Variants in ZC3HAV1L observed in about 807,000 individuals in gnomAD.
The protein encoded by ZC3HAV1L is zinc finger CCCH-type antiviral protein 1-like.
Under a neutral mutation model 28.2 loss-of-function variants are expected in ZC3HAV1L, and 23 were observed. That is an observed-to-expected ratio of 0.82 (90% CI 0.59 to 1.16). ZC3HAV1L has a LOEUF of 1.16. Among genes scored for constraint, ZC3HAV1L ranks in the 50% most tolerant of loss-of-function variants. The pLI is 0.00. For synonymous variants in ZC3HAV1L, 180 were observed against 163.4 expected (o/e 1.10, Z -0.78); for missense variants, 376 against 387.7 (o/e 0.97, Z 0.25).
chr7:139,028,216 T>A (rs1815411508), intron 3 of ZC3HAV1L, among the ~76,000 whole-genome samples: 1 of 151,724 alleles, frequency 6.6e-6, no homozygotes, highest in African/African-American at 2.4e-5. Context: ...CGACTAAGAA[T>A]ACAAAAATTA....
At chr7:139,034,871 G>C in intron 1 of ZC3HAV1L, 193 bp from the exon 2 acceptor site, 1 of 985,416 alleles carries the variant, frequency 1.0e-6, no homozygotes, top group East Asian at 1.1e-4. Flanking sequence ...CTCTCCCAGG[G>C]TCATTTGAAT....
chr7:139,035,667 G>A lies in ZC3HAV1L; in HGVS notation c.351C>T (p.Pro117=). Residue 117 remains proline, a synonymous_variant, in exon 1 of 5, where the codon CCC becomes CCT. Coordinates refer to ENST00000275766, the MANE Select transcript of ZC3HAV1L (RefSeq NM_080660.4). The part of the protein sequence containing the change: ...FCRRHMLGKC[P]NRDCWSTCTL... ...CGCCTTCTCACCAGCAGTCCCGGTT[G>A]GGGCACTTGCCCAGCATGTGCCGGC... 1 of 1,459,402 alleles carries A rather than the reference G, an allele frequency of 6.9e-7. No homozygotes were observed. The highest frequency in any genetic ancestry group is 9.0e-7 in the Non-Finnish European group (1 of 1,114,740). 90.4% of individuals were successfully genotyped at this position (1,459,402 alleles called of 1,614,324 possible).
In ZC3HAV1L at chr7:139,026,278, TG is replaced by T. The variant is rs1234722320; in HGVS notation, c.*265del. ...ATATTAAGTGAAAAAAAAAAATGAG[TG>T]CAAAGTACTCTAGGATTGCCACAAT... On this transcript the variant is annotated 3_prime_UTR_variant, in exon 5 of 5. Transcript: ENST00000275766. 2 of 447,960 alleles carry T rather than the reference TG, an allele frequency of 4.5e-6. No homozygotes were observed. Among genetic ancestry groups the T allele is most frequent in the African/African-American group, 4.2e-5 (2 of 47,398 alleles). 27.7% of individuals were successfully genotyped at this position (447,960 alleles called of 1,614,324 possible). A position where few individuals can be genotyped will look rare whatever the true frequency, so the allele number is the denominator to read the frequency against.
intron 3 of ZC3HAV1L, among the ~76,000 whole-genome samples, chr7:139,027,231 G>A (rs1815382463): frequency 6.6e-6 from 1 of 152,200 alleles, no homozygotes; most frequent in Admixed American, 6.5e-5. Flanking sequence ...TGAAAGCTTA[G>A]CAACTCCGCC....
rs2130639118 is a variant in ZC3HAV1L at position 139,034,601 on chromosome 7, A to C, written c.443T>G (p.Leu148Arg). 3.1e-6 allele frequency: 5 copies of C among 1,614,124 alleles called. No homozygotes were observed. Among genetic ancestry groups the C allele is most frequent in the Admixed American group, 1.7e-5 (1 of 60,016 alleles). Residue 148 changes from leucine (L) to arginine (R), a missense_variant, in exon 2 of 5, where the codon CTC (leucine) becomes CGC (arginine). By Grantham distance (102) the Leu-to-Arg change is moderately radical (BLOSUM62 -2). Coordinates refer to ENST00000275766, the MANE Select transcript of ZC3HAV1L (RefSeq NM_080660.4). ...CAGGATCCGAAGCTGGTTTTCATTGAGACCAAAAAGTCCATGGCTTTTCAG... is the reference window on the plus strand; with the variant it reads ...CAGGATCCGAAGCTGGTTTTCATTGCGACCAAAAAGTCCATGGCTTTTCAG... The part of the protein sequence containing the change: ...QVLKSHGLFG[L>R]NENQLRILLL...
downstream of ZC3HAV1L, among the ~76,000 whole-genome samples, chr7:139,024,614 G>A (rs1212197092): frequency 1.3e-5 from 2 of 152,268 alleles, no homozygotes; most frequent in East Asian, 1.9e-4. Flanking sequence ...GACAATGAAA[G>A]TAAAAAGCTC....
chr7:139,029,085 C>G, intron 2 of ZC3HAV1L, 125 bp from the exon 3 acceptor site: 1 of 1,124,278 alleles, frequency 8.9e-7, no homozygotes, highest in Non-Finnish European at 1.2e-6. Context: ...TCACTGCAAC[C>G]TCCATCTCCC....
At chr7:139,032,176 T>G (rs1029858546) in intron 2 of ZC3HAV1L, among the ~76,000 whole-genome samples, 1 of 152,098 alleles carries the variant, frequency 6.6e-6, no homozygotes, top group East Asian at 1.9e-4. Context: ...TTGGAGATCA[T>G]GGAAAATAGA....
intron 2 of ZC3HAV1L, among the ~76,000 whole-genome samples, chr7:139,030,465 G>A (rs1815491424): frequency 6.6e-6 from 1 of 152,056 alleles, no homozygotes; most frequent in Admixed American, 6.6e-5. Flanking sequence ...TAAAATAGAG[G>A]CGGAGGTTGC....
In ZC3HAV1L at chr7:139,028,885, C is replaced by T; in HGVS notation, c.577G>A (p.Val193Met). ...TCTCCTTTCACAAAGGATTTGCACA[C>T]ATGAAACTTGTTGCATTTATCCTTG... ...NLKDKCNKFH[V>M]CKSFVKGECK... Residue 193 changes from valine to methionine, a missense_variant, in exon 3 of 5, where the codon GTG becomes ATG. Physicochemically the swap from Val to Met is conservative, Grantham distance 21. Transcript: ENST00000275766. The T allele has an allele frequency of 6.2e-7, 1 of 1,614,240 alleles. No homozygotes were observed. The highest frequency in any genetic ancestry group is 8.5e-7 in the Non-Finnish European group (1 of 1,180,050).
Position 139,026,301 on chromosome 7 carries a change from C to A in ZC3HAV1L, c.*243G>T. 1 of 528,662 alleles carries A rather than the reference C, an allele frequency of 1.9e-6. No homozygotes were observed. Among genetic ancestry groups the A allele is most frequent in the Non-Finnish European group, 3.3e-6 (1 of 304,966 alleles). 32.7% of individuals were successfully genotyped at this position (528,662 alleles called of 1,614,324 possible). On this transcript the variant is annotated 3_prime_UTR_variant, in exon 5 of 5. Coordinates refer to ENST00000275766, the MANE Select transcript of ZC3HAV1L (RefSeq NM_080660.4). ...AGTGCAAAGTACTCTAGGATTGCCA[C>A]AATATAAATTGATAGAAAAACAATG...
intron 1 of ZC3HAV1L, 164 bp downstream of exon 1, chr7:139,035,489 C>A (rs947373555): frequency 2.0e-6 from 2 of 985,294 alleles, no homozygotes; most frequent in African/African-American, 3.5e-5. Context: ...CTGCTGGAAG[C>A]GCGGGGGAGG....
chr7:139,031,663 G>C (rs996638119), intron 2 of ZC3HAV1L, among the ~76,000 whole-genome samples: 1 of 152,174 alleles, frequency 6.6e-6, no homozygotes, highest in Admixed American at 6.5e-5. Flanking sequence ...CCAGCACTTT[G>C]GGAGGCCAAG....
chr7:139,022,769 A>G (rs1462188287), downstream of ZC3HAV1L, among the ~76,000 whole-genome samples: 2 of 152,228 alleles, frequency 1.3e-5, no homozygotes, highest in African/African-American at 2.4e-5. Context: ...TTAGGCCTGT[A>G]AGAATGCTAC....
intron 2 of ZC3HAV1L, among the ~76,000 whole-genome samples, chr7:139,030,291 A>G (rs1030788106): frequency 6.6e-6 from 1 of 152,286 alleles, no homozygotes; most frequent in African/African-American, 2.4e-5. Flanking sequence ...TTAAAAATAC[A>G]AAAGTTAGCC....
rs1033455644 is a variant in ZC3HAV1L, at chr7:139,029,109, TCTC to T, written c.502-152_502-150del. The T allele has an allele frequency of 2.3e-5, 21 of 911,682 alleles. No individual in the cohort carries two copies. The African/African-American group carries it at 3.0e-4, about 13-fold the overall frequency. 56.5% of individuals were successfully genotyped at this position (911,682 alleles called of 1,614,324 possible). A position where few individuals can be genotyped will look rare whatever the true frequency, so the allele number is the denominator to read the frequency against. ...CCTCCATCTCCCGCGTTCAAGCAATTCTCCTGCCTCAGCCTCCCGAGTAGCTGA... is the reference window on the plus strand; with the variant it reads ...CCTCCATCTCCCGCGTTCAAGCAATTCTGCCTCAGCCTCCCGAGTAGCTGA... On this transcript the variant is annotated intron_variant, in intron 2 of 4. Transcript: ENST00000275766.
At chr7:139,022,859 A>G (rs1815272244), downstream of ZC3HAV1L, among the ~76,000 whole-genome samples, 2 of 152,206 alleles carry the variant, frequency 1.3e-5, no homozygotes, top group Non-Finnish European at 2.9e-5. Context: ...TGAGGTAGGA[A>G]GAAGGAATGG....
chr7:139,026,331 A>C lies in ZC3HAV1L; in HGVS notation c.*213T>G. On this transcript the variant is annotated 3_prime_UTR_variant, in exon 5 of 5. Transcript: ENST00000275766. ...TAAATTGATAGAAAAACAATGGTGG[A>C]CCACAGAAGTCAGCAGAGCTCCATC... 1.7e-6 allele frequency: 1 copy of C among 595,040 alleles called. No homozygotes were observed. The highest frequency in any genetic ancestry group is 2.8e-6 in the Non-Finnish European group (1 of 355,288). The allele number at this position is 595,040 out of a possible 1,614,324, so 36.9% of individuals were successfully genotyped here.
chr7:139,034,843 A>G (rs1815651161), intron 1 of ZC3HAV1L, 165 bp from the exon 2 acceptor site: 1 of 985,188 alleles, frequency 1.0e-6, no homozygotes. Flanking sequence ...AAATAAGAAA[A>G]TTGGGTTGAA....
Sources: allele counts gnomAD v4.1 joint callset (sites outside exome capture counted in the v4.1 genomes callset), GRCh38; gene constraint gnomAD v4.1.1; transcripts MANE v1.5; gene names NCBI Gene and HGNC (gene_info 2026-07-23, HGNC 2026-07-21).